The following NCAM2 variants were observed in gnomAD, a reference collection of about 807,000 sequenced individuals.
NCAM2 encodes the protein neural cell adhesion molecule 2.
Under a neutral mutation model 98.1 loss-of-function variants are expected in NCAM2, and 30 were observed. That is an observed-to-expected ratio of 0.31 (90% CI 0.23 to 0.41). The LOEUF (loss-of-function observed/expected upper bound fraction) is 0.41, where lower values mean the gene tolerates loss of function less well. NCAM2 is among the 10% of genes least tolerant of loss of function. The pLI is 1.00. For missense variants in NCAM2, 867 were observed against 1,005.8 expected, an observed-to-expected ratio of 0.86 and a Z score of 1.87; for synonymous variants, 368 against 342.4, an observed-to-expected ratio of 1.07 and a Z score of -0.83.
At position 21,085,625 on chromosome 21, in the gene NCAM2, C is replaced by T. The variant is rs575614115; in HGVS notation, c.55+87007C>T. Among the ~76,000 whole-genome samples, 13 of 152,278 alleles carry T rather than the reference C, an allele frequency of 8.5e-5. No individual in the cohort carries two copies. The South Asian group carries it at 1.9e-3, about 22-fold the overall frequency. On this transcript the variant is annotated intron_variant, in intron 1 of 17. Coordinates refer to ENST00000400546, the MANE Select transcript of NCAM2 (RefSeq NM_004540.5). ...AGACATGGGGCCCTAGGATGCAGAA[C>T]ACTATGCGCCCTTTCTGCTAGGGTG...
intron 1 of NCAM2, among the ~76,000 whole-genome samples, chr21:21,203,707 G>C (rs1422758071): frequency 6.6e-6 from 1 of 152,050 alleles, no homozygotes; most frequent in Non-Finnish European, 1.5e-5. Context: ...TCTGTAATAG[G>C]CAACAGTGTA....
chr21:21,165,195 G>A (rs2067911727), intron 1 of NCAM2, among the ~76,000 whole-genome samples: 1 of 152,116 alleles, frequency 6.6e-6, no homozygotes, highest in Non-Finnish European at 1.5e-5. Flanking sequence ...ACATTTCTTA[G>A]TGTCTCTTTC....
chr21:21,415,543 G>A (rs1357464805), intron 10 of NCAM2, among the ~76,000 whole-genome samples: 4 of 151,612 alleles, frequency 2.6e-5, no homozygotes, highest in Non-Finnish European at 4.4e-5. Flanking sequence ...CACCGTGTTA[G>A]CCAGGATGAT....
intron 1 of NCAM2, among the ~76,000 whole-genome samples, chr21:21,255,352 G>T (rs550177450): frequency 6.6e-6 from 1 of 152,182 alleles, no homozygotes; most frequent in Non-Finnish European, 1.5e-5. Context: ...TGCCTCCCAG[G>T]ATCTAAGGCT....
rs201917811 is a variant in NCAM2 at position 21,146,546 on chromosome 21, G to GATATATATATATATAT, written c.56-134022_56-134021insATATATATATATATAT. Among the ~76,000 whole-genome samples the GATATATATATATATAT allele has an allele frequency of 4.7e-3, 234 of 50,304 alleles. 1 individual carries two copies. Among genetic ancestry groups the GATATATATATATATAT allele is most frequent in the Middle Eastern group, 0.016 (1 of 64 alleles). 33.0% of individuals were successfully genotyped at this position (50,304 alleles called of 152,430 possible). ...ATGTGATTATATAAAATACTTACAG[G>GATATATATATATATAT]ATATATATATGTATATATATATATA... On this transcript the variant is annotated intron_variant, in intron 1 of 17. Transcript: ENST00000400546.
chr21:21,331,509 CTCTCTCTCTATATATATATA>C (rs2074683261), intron 6 of NCAM2, among the ~76,000 whole-genome samples: 1 of 5,018 alleles, frequency 2.0e-4, no homozygotes, highest in Non-Finnish European at 4.1e-4. Context: ...ACTCTATACT[CTCTCTCTCTATATATATATA>C]TATATACTCT....
chr21:21,430,708 C>A (rs1293976906), intron 11 of NCAM2, among the ~76,000 whole-genome samples: 3 of 151,932 alleles, frequency 2.0e-5, no homozygotes, highest in African/African-American at 4.8e-5. Flanking sequence ...GATTCAGTTA[C>A]CTCCACTTGG....
chr21:21,444,763 G>C (rs1391594693), intron 12 of NCAM2, among the ~76,000 whole-genome samples: 1 of 151,818 alleles, frequency 6.6e-6, no homozygotes, highest in Admixed American at 6.6e-5. Flanking sequence ...TATCTATTTT[G>C]TTAATTTTTC....
chr21:21,317,357 C>T (rs1601955794), intron 5 of NCAM2, among the ~76,000 whole-genome samples: 1 of 152,052 alleles, frequency 6.6e-6, no homozygotes, highest in African/African-American at 2.4e-5. Flanking sequence ...CTTGATGAGT[C>T]CTGAAATCTT....
At position 21,138,663 on chromosome 21, in the gene NCAM2, G is replaced by C. The variant is rs538499298; in HGVS notation, c.55+140045G>C. Among the ~76,000 whole-genome samples, 10 of 152,026 alleles carry C rather than the reference G, an allele frequency of 6.6e-5. 1 individual carries two copies. In the South Asian group the frequency reaches 2.1e-3, roughly 32 times the overall value. On this transcript the variant is annotated intron_variant, in intron 1 of 17. Transcript: ENST00000400546. ...TATATACCTCCATTATGCTCTAACA[G>C]GTAACTGATTTTAGCAGTGACATAT...
chr21:21,478,371 T>C (rs1985429772), intron 15 of NCAM2, among the ~76,000 whole-genome samples: 1 of 151,998 alleles, frequency 6.6e-6, no homozygotes, highest in African/African-American at 2.4e-5. Context: ...GATTTATTTG[T>C]CTTATTATAT....
At chr21:21,184,788 GA>G (rs1744232903) in intron 1 of NCAM2, among the ~76,000 whole-genome samples, 2 of 152,220 alleles carry the variant, frequency 1.3e-5, no homozygotes, top group Admixed American at 6.5e-5. Flanking sequence ...CTAATGAAAT[GA>G]ATCAGCATTG....
chr21:21,084,992 A>T (rs1473904012), intron 1 of NCAM2, among the ~76,000 whole-genome samples: 1 of 152,098 alleles, frequency 6.6e-6, no homozygotes, highest in African/African-American at 2.4e-5. Context: ...AAACCGATGC[A>T]CCCTTCCTTC....
At chr21:21,315,064 T>C (rs2074177414) in intron 5 of NCAM2, among the ~76,000 whole-genome samples, 2 of 152,100 alleles carry the variant, frequency 1.3e-5, no homozygotes, top group Non-Finnish European at 2.9e-5. Context: ...CGGAAAATGC[T>C]CACTTTTTTT....
chr21:21,038,530 T>A (rs8127284), intron 1 of NCAM2, among the ~76,000 whole-genome samples: 44 of 152,192 alleles, frequency 2.9e-4, no homozygotes, highest in East Asian at 9.7e-4. Flanking sequence ...TGAGTTCTTA[T>A]GAGATCTGAT....
chr21:21,275,688 C>G (rs1218048597), intron 1 of NCAM2, among the ~76,000 whole-genome samples: 1 of 152,034 alleles, frequency 6.6e-6, no homozygotes, highest in African/African-American at 2.4e-5. Flanking sequence ...TTTAACTGAT[C>G]ACAGATGTAA....
At chr21:21,394,307 T>C (rs2076448535) in intron 9 of NCAM2, among the ~76,000 whole-genome samples, 1 of 152,030 alleles carries the variant, frequency 6.6e-6, no homozygotes, top group Non-Finnish European at 1.5e-5. Flanking sequence ...TTAATTGAAT[T>C]ACCCTTTAAA....
At chr21:21,507,637 CA>C (rs945085493) in intron 15 of NCAM2, among the ~76,000 whole-genome samples, 5 of 151,698 alleles carry the variant, frequency 3.3e-5, no homozygotes, top group South Asian at 2.1e-4. Context: ...ACTAAAAACA[CA>C]AAAAAATTAC....
intron 1 of NCAM2, among the ~76,000 whole-genome samples, chr21:21,066,425 C>A (rs112879964): frequency 6.6e-6 from 1 of 151,970 alleles, no homozygotes; most frequent in African/African-American, 2.4e-5. Flanking sequence ...TATACACACA[C>A]ACACACAGAT....
Sources: gnomAD v4.1 joint callset for allele counts (sites outside exome capture counted in the v4.1 genomes callset) on GRCh38, gnomAD v4.1.1 for gene constraint, MANE v1.5 for transcripts, NCBI Gene and HGNC (gene_info 2026-07-23, HGNC 2026-07-21) for gene names.